SEMA3E: variants seen among roughly 807,000 people sequenced by gnomAD.
SEMA3E encodes the protein semaphorin 3E.
In SEMA3E, 49 loss-of-function variants were observed where a neutral mutation model predicts 93.6. The observed-to-expected ratio is 0.52, with a 90% CI of 0.42 to 0.66. SEMA3E has a LOEUF of 0.66. SEMA3E is among the 30% of genes least tolerant of loss of function. The pLI, the probability that SEMA3E is intolerant of heterozygous loss-of-function variation, is 0.00. For missense variants in SEMA3E, 906 were observed against 964.8 expected (o/e 0.94, Z 0.81); for synonymous variants, 363 against 330.7 (o/e 1.10, Z -1.06).
chr7:83,617,811 T>G (rs2115615343), intron 1 of SEMA3E, among the ~76,000 whole-genome samples: 1 of 151,652 alleles, frequency 6.6e-6, no homozygotes, highest in South Asian at 2.1e-4. Context: ...TCACAACAAT[T>G]AAAAAAGTAA....
chr7:83,618,926 T>C (rs2058352548), intron 1 of SEMA3E, among the ~76,000 whole-genome samples: 2 of 151,910 alleles, frequency 1.3e-5, no homozygotes, highest in Admixed American at 1.3e-4. Flanking sequence ...TGCACACACA[T>C]GTATATGTGT....
chr7:83,594,579 A>G (rs1376945592), intron 1 of SEMA3E, among the ~76,000 whole-genome samples: 1 of 152,106 alleles, frequency 6.6e-6, no homozygotes, highest in Non-Finnish European at 1.5e-5. Flanking sequence ...CTGGAAGGGT[A>G]TGAATTTTGG....
intron 1 of SEMA3E, among the ~76,000 whole-genome samples, chr7:83,495,381 T>C (rs1457824155): frequency 2.0e-5 from 3 of 151,910 alleles, no homozygotes; most frequent in African/African-American, 7.2e-5. Flanking sequence ...ATTTCCAATC[T>C]ATTTTATAAT....
chr7:83,535,146 G>A (rs1257695809), intron 1 of SEMA3E, among the ~76,000 whole-genome samples: 1 of 152,106 alleles, frequency 6.6e-6, no homozygotes, highest in Non-Finnish European at 1.5e-5. Flanking sequence ...GAATCTGCTG[G>A]AATTTTTAAC....
At position 83,471,306 on chromosome 7, in the gene SEMA3E, A is replaced by G. The variant is rs141475199; in HGVS notation, c.277-2004T>C. 8.5e-3 allele frequency among the ~76,000 whole-genome samples: 897 copies of G among 105,158 alleles called. 13 individuals are homozygous for G. Among genetic ancestry groups the G allele is most frequent in the African/African-American group, 0.025 (860 of 33,850 alleles). 69.0% of individuals were successfully genotyped at this position (105,158 alleles called of 152,430 possible). On this transcript the variant is annotated intron_variant, in intron 2 of 16. Transcript: ENST00000643230. The stretch of plus-strand genomic sequence containing the variant: ...CTCAATCAAATCTCTACATAACACT[A>G]TAGTAATTAAAACATTAAAAAAAAA...
At chr7:83,609,135 T>C (rs982287387) in intron 1 of SEMA3E, among the ~76,000 whole-genome samples, 3 of 152,078 alleles carry the variant, frequency 2.0e-5, no homozygotes, top group African/African-American at 7.2e-5. Context: ...TAACCTCTAC[T>C]GTATATTTTA....
rs3801506 is a variant in SEMA3E at position 83,418,567 on chromosome 7, G to A, written c.457-84C>T. ...CCTTAGGTAAAACATATGAAACTTCGATTATTTATAAAGCATGTATTCTAA... is the reference window on the plus strand; with the variant it reads ...CCTTAGGTAAAACATATGAAACTTCAATTATTTATAAAGCATGTATTCTAA... On this transcript the variant is annotated intron_variant, in intron 4 of 16. Coordinates refer to ENST00000643230, the MANE Select transcript of SEMA3E (RefSeq NM_012431.3). The A allele has an allele frequency of 0.11, 104,018 of 920,022 alleles. 6,710 individuals carry two copies. The highest frequency in any genetic ancestry group is 0.17 in the East Asian group (6,592 of 37,868). The allele number at this position is 920,022 out of a possible 1,614,324, so 57.0% of individuals were successfully genotyped here.
chr7:83,610,437 T>A (rs1485672084), intron 1 of SEMA3E, among the ~76,000 whole-genome samples: 3 of 152,022 alleles, frequency 2.0e-5, no homozygotes, highest in Admixed American at 6.6e-5. Context: ...TTAAACTTAA[T>A]TGTCCCTTGA....
At chr7:83,445,856 T>C (rs1584253732) in intron 4 of SEMA3E, among the ~76,000 whole-genome samples, 1 of 152,174 alleles carries the variant, frequency 6.6e-6, no homozygotes, top group Admixed American at 6.5e-5. Flanking sequence ...AGGGAAGTTA[T>C]GGACTTTTAC....
At chr7:83,625,534 T>A (rs368284161) in intron 1 of SEMA3E, among the ~76,000 whole-genome samples, 1 of 152,130 alleles carries the variant, frequency 6.6e-6, no homozygotes, top group Non-Finnish European at 1.5e-5. Flanking sequence ...TAGGAATGTT[T>A]GTGATTTTTG....
chr7:83,421,174 GAATA>G (rs1191906664), intron 4 of SEMA3E, among the ~76,000 whole-genome samples: 1 of 141,414 alleles, frequency 7.1e-6, no homozygotes, highest in African/African-American at 2.5e-5. Context: ...CAATAATTTG[GAATA>G]TTTATTTTCA....
At chr7:83,609,579 T>C (rs180867594) in intron 1 of SEMA3E, among the ~76,000 whole-genome samples, 5 of 152,112 alleles carry the variant, frequency 3.3e-5, no homozygotes, top group African/African-American at 9.6e-5. Context: ...GCTACCCTAT[T>C]AATCAATACC....
chr7:83,603,758 T>C (rs1206692493), intron 1 of SEMA3E, among the ~76,000 whole-genome samples: 1 of 152,188 alleles, frequency 6.6e-6, no homozygotes, highest in Non-Finnish European at 1.5e-5. Context: ...TTGTTTCATC[T>C]ACTGTAGAGC....
At chr7:83,526,949 C>A (rs1189350244) in intron 1 of SEMA3E, among the ~76,000 whole-genome samples, 1 of 151,594 alleles carries the variant, frequency 6.6e-6, no homozygotes, top group Admixed American at 6.6e-5. Context: ...TATGTTCAAG[C>A]CCCAACCCCC....
chr7:83,425,758 A>G (rs1788757511), intron 4 of SEMA3E, among the ~76,000 whole-genome samples: 1 of 152,204 alleles, frequency 6.6e-6, no homozygotes, highest in Non-Finnish European at 1.5e-5. Context: ...CCTAAATAAA[A>G]TAGTTTCTGC....
At chr7:83,551,993 ATGTC>A (rs1791776468) in intron 1 of SEMA3E, among the ~76,000 whole-genome samples, 1 of 152,190 alleles carries the variant, frequency 6.6e-6, no homozygotes, top group African/African-American at 2.4e-5. Context: ...AATTGTCACA[ATGTC>A]TTTGTATTAT....
chr7:83,429,217 T>TA (rs1788834319), intron 4 of SEMA3E, among the ~76,000 whole-genome samples: 1 of 152,212 alleles, frequency 6.6e-6, no homozygotes, highest in African/African-American at 2.4e-5. Context: ...ATAAATATAA[T>TA]ACATGTAAGT....
chr7:83,375,342 T>C (rs961307662), intron 16 of SEMA3E, among the ~76,000 whole-genome samples: 2 of 152,132 alleles, frequency 1.3e-5, no homozygotes, highest in Admixed American at 1.3e-4. Context: ...GAAAAATCTC[T>C]CTGCATGTCC....
Position 83,371,285 on chromosome 7 carries a change from C to G in SEMA3E, c.1876-3247G>C, listed in dbSNP as rs989358969. Reference sequence around the variant, plus strand: ...AAGTTACAGCGAAATGAAAATGAAACAACATCCCCATGTAGTAATACACAT... The same window carrying G: ...AAGTTACAGCGAAATGAAAATGAAAGAACATCCCCATGTAGTAATACACAT... On this transcript the variant is annotated intron_variant, in intron 16 of 16. Coordinates refer to ENST00000643230, the MANE Select transcript of SEMA3E (RefSeq NM_012431.3). Among the ~76,000 whole-genome samples, 5 of 152,184 alleles carry G rather than the reference C, an allele frequency of 3.3e-5. No homozygotes were observed. In the South Asian group the frequency reaches 1.0e-3, roughly 32 times the overall value.
Sources: allele counts gnomAD v4.1 joint callset (sites outside exome capture counted in the v4.1 genomes callset), GRCh38; gene constraint gnomAD v4.1.1; transcripts MANE v1.5; gene names NCBI Gene and HGNC (gene_info 2026-07-23, HGNC 2026-07-21).